The following WHRN variants were observed in gnomAD, a reference collection of about 807,000 sequenced individuals.
WHRN encodes CASK-interacting protein CIP98.
WHRN carries 41 observed loss-of-function variants against 68.3 expected under a neutral mutation model. The ratio of observed to expected loss-of-function variants is 0.60; its 90% confidence interval spans 0.47 to 0.78. The LOEUF (loss-of-function observed/expected upper bound fraction) is 0.78, where lower values mean the gene tolerates loss of function less well. WHRN is among the 30% of genes least tolerant of loss of function. The pLI is 0.00. For missense variants in WHRN, 1,243 were observed against 1,244.7 expected, an observed-to-expected ratio of 1.00 and a Z score of 0.02; for synonymous variants, 560 against 561.3, an observed-to-expected ratio of 1.00 and a Z score of 0.03.
At chr9:114,502,701 A>G (rs1844033687) in intron 1 of WHRN, among the ~76,000 whole-genome samples, 1 of 152,184 alleles carries the variant, frequency 6.6e-6, no homozygotes, top group African/African-American at 2.4e-5. Context: ...TCACCTTATC[A>G]CCTTGTGACC....
chr9:114,471,271 G>A (rs777232325), intron 2 of WHRN, among the ~76,000 whole-genome samples: 4 of 152,144 alleles, frequency 2.6e-5, no homozygotes, highest in Non-Finnish European at 5.9e-5. Flanking sequence ...CCCAGGCACC[G>A]TACTCAGCCC....
intron 2 of WHRN, among the ~76,000 whole-genome samples, chr9:114,472,015 C>T (rs1043160739): frequency 7.9e-5 from 12 of 152,316 alleles, no homozygotes; most frequent in African/African-American, 2.2e-4. Flanking sequence ...CTCGGGCTGC[C>T]CAGCCCTACA....
rs36083160 is a variant in WHRN, at chr9:114,493,356, T to TA, written c.618+10827dup. Reference sequence around the variant, plus strand: ...ACAGAATAAGACCCTATCTTTTTTTTAAAAAAAAAAAAAAAGTGGGGGTGG... The same window carrying TA: ...ACAGAATAAGACCCTATCTTTTTTTTAAAAAAAAAAAAAAAAGTGGGGGTGG... On this transcript the variant is annotated intron_variant, in intron 1 of 11. Transcript: ENST00000362057. 1.1e-3 allele frequency among the ~76,000 whole-genome samples: 95 copies of TA among 84,264 alleles called. 2 individuals carry two copies. The highest frequency in any genetic ancestry group is 5.0e-3 in the South Asian group (11 of 2,188). The allele number at this position is 84,264 out of a possible 152,430, so 55.3% of individuals were successfully genotyped here. A position where few individuals can be genotyped will look rare whatever the true frequency, so the allele number is the denominator to read the frequency against.
At chr9:114,469,904 T>C (rs1841057581) in intron 2 of WHRN, among the ~76,000 whole-genome samples, 1 of 152,356 alleles carries the variant, frequency 6.6e-6, no homozygotes, top group Non-Finnish European at 1.5e-5. Context: ...CCTTGGTTCA[T>C]GGCCCCATCC....
At chr9:114,437,858 G>A (rs1360535459) in intron 3 of WHRN, among the ~76,000 whole-genome samples, 1 of 152,116 alleles carries the variant, frequency 6.6e-6, no homozygotes, top group Non-Finnish European at 1.5e-5. Context: ...ATATACCACA[G>A]ATAAAGGGCC....
chr9:114,453,710 T>C (rs1443802972), intron 3 of WHRN, among the ~76,000 whole-genome samples: 2 of 152,264 alleles, frequency 1.3e-5, no homozygotes, highest in Non-Finnish European at 2.9e-5. Flanking sequence ...AGATAACCTA[T>C]AGATATCCTA....
intron 3 of WHRN, among the ~76,000 whole-genome samples, chr9:114,438,043 G>A (rs1446616836): frequency 1.3e-5 from 2 of 152,138 alleles, no homozygotes; most frequent in Non-Finnish European, 2.9e-5. Context: ...TGCCCAGCCT[G>A]GGGAATATGG....
chr9:114,413,257 A>G (rs1835579374), intron 7 of WHRN, among the ~76,000 whole-genome samples: 1 of 152,240 alleles, frequency 6.6e-6, no homozygotes, highest in Non-Finnish European at 1.5e-5. Flanking sequence ...CAGAAGATTC[A>G]GCAGAAAAGG....
chr9:114,428,350 T>TA, intron 3 of WHRN, among the ~76,000 whole-genome samples: 1 of 152,222 alleles, frequency 6.6e-6, no homozygotes, highest in Admixed American at 6.5e-5. Context: ...ATCAGATTAA[T>TA]AAAAAGACAC....
chr9:114,474,929 G>A (rs1027442881), intron 2 of WHRN, among the ~76,000 whole-genome samples: 1 of 152,100 alleles, frequency 6.6e-6, no homozygotes, highest in Non-Finnish European at 1.5e-5. Context: ...GGCCCAAAGT[G>A]AAGACAGATC....
chr9:114,424,910 G>T, intron 5 of WHRN, 78 bp downstream of exon 5: 1 of 1,495,300 alleles, frequency 6.7e-7, no homozygotes, highest in South Asian at 1.1e-5. Context: ...TAAGTCACTC[G>T]GCACCCTCTG....
Position 114,426,192 on chromosome 9 carries a change from G to A in WHRN, c.1166+19C>T. Reference sequence around the variant, plus strand: ...ATGGCCCTGGGGTCTGGAGATTGGAGCGAGCAGAGTGGCCAGACCCTGCCG... The same window carrying A: ...ATGGCCCTGGGGTCTGGAGATTGGAACGAGCAGAGTGGCCAGACCCTGCCG... On this transcript the variant is annotated intron_variant, in intron 4 of 11. Coordinates refer to ENST00000362057, the MANE Select transcript of WHRN (RefSeq NM_015404.4). The A allele has an allele frequency of 2.5e-6, 4 of 1,611,854 alleles. No homozygotes were observed. The highest frequency in any genetic ancestry group is 3.4e-6 in the Non-Finnish European group (4 of 1,179,958).
chr9:114,493,613 T>C (rs1386434468), intron 1 of WHRN, among the ~76,000 whole-genome samples: 3 of 151,896 alleles, frequency 2.0e-5, no homozygotes, highest in Non-Finnish European at 4.4e-5. Context: ...AATGAGATAA[T>C]TTCACAAGTC....
chr9:114,411,688 G>A (rs1835447747), intron 7 of WHRN, among the ~76,000 whole-genome samples: 1 of 152,160 alleles, frequency 6.6e-6, no homozygotes, highest in Non-Finnish European at 1.5e-5. Flanking sequence ...CGTGCTGGGT[G>A]TTTTACTTAT....
intron 3 of WHRN, among the ~76,000 whole-genome samples, chr9:114,448,221 C>T (rs897709365): frequency 6.6e-6 from 1 of 151,972 alleles, no homozygotes; most frequent in Non-Finnish European, 1.5e-5. Flanking sequence ...TATAAGAGAA[C>T]GGACAGGGAG....
In WHRN at chr9:114,423,489, G is replaced by A. The variant is rs1287032253; in HGVS notation, c.1451C>T (p.Ser484Phe). The change falls in exon 7 of 12, where the codon TCC becomes TTC. Residue 484 changes from serine to phenylalanine, a missense_variant. By Grantham distance (155) the Ser-to-Phe change is radical. Transcript: ENST00000362057. The stretch of plus-strand genomic sequence containing the variant: ...GTCGAAGCGTTCTAGGTCTTGCGGG[G>A]AAATGGTGCCTCTCACCTCAGAGAG... Reference protein sequence around the residue: ...SLLSEVRGTISPQDLERFDHL... With the variant: ...SLLSEVRGTIFPQDLERFDHL... The A allele has an allele frequency of 1.9e-6, 3 of 1,612,234 alleles. No individual in the cohort carries two copies. The highest frequency in any genetic ancestry group is 8.5e-7 in the Non-Finnish European group (1 of 1,178,466).
chr9:114,412,674 T>A (rs1294171047), intron 7 of WHRN, among the ~76,000 whole-genome samples: 2 of 152,226 alleles, frequency 1.3e-5, no homozygotes, highest in African/African-American at 4.8e-5. Context: ...CAAATTCCCT[T>A]TTTTTCAGAG....
Position 114,406,576 on chromosome 9 carries a change from A to C in WHRN, c.2015T>G (p.Val672Gly). 1.2e-6 allele frequency: 2 copies of C among 1,611,072 alleles called. No homozygotes were observed. Among genetic ancestry groups the C allele is most frequent in the Non-Finnish European group, 1.7e-6 (2 of 1,178,032 alleles). ...KRPLDAHLAL[V>G]NQHPIGPFPR... ...GAAGGGGCCGATGGGGTGTTGGTTGACCAGGGCCAGATGGGCGTCCAGCGG... is the reference window on the plus strand; with the variant it reads ...GAAGGGGCCGATGGGGTGTTGGTTGCCCAGGGCCAGATGGGCGTCCAGCGG... Residue 672 changes from valine to glycine, a missense_variant, in exon 9 of 12, where the codon GTC becomes GGC. By Grantham distance (109) the Val-to-Gly change is moderately radical. Transcript: ENST00000362057.
At chr9:114,471,430 T>C (rs1017951543) in intron 2 of WHRN, among the ~76,000 whole-genome samples, 10 of 152,160 alleles carry the variant, frequency 6.6e-5, no homozygotes, top group Non-Finnish European at 1.5e-4. Flanking sequence ...TTGGCTTGCC[T>C]GCAGTGCCTG....
Sources: gnomAD v4.1 joint callset for allele counts (sites outside exome capture counted in the v4.1 genomes callset) on GRCh38, gnomAD v4.1.1 for gene constraint, MANE v1.5 for transcripts, NCBI Gene and HGNC (gene_info 2026-07-23, HGNC 2026-07-21) for gene names.